SASH1: variants seen among roughly 807,000 people sequenced by gnomAD.
SASH1 encodes the protein SAM and SH3 domain-containing protein 1.
Under a neutral mutation model 125.2 loss-of-function variants are expected in SASH1, and 44 were observed. The ratio of observed to expected loss-of-function variants is 0.35; its 90% CI spans 0.28 to 0.45. The LOEUF (loss-of-function observed/expected upper bound fraction) is 0.45. Among genes scored for constraint, SASH1 ranks in the 20% least tolerant of loss-of-function variants. The pLI is 1.00. For synonymous variants in SASH1, 639 were observed against 649.1 expected (o/e 0.98, Z 0.24); for missense variants, 1,426 against 1,614.5 (o/e 0.88, Z 2.00).
At chr6:148,487,808 C>A in intron 8 of SASH1, 93 bp downstream of exon 8, 1 of 844,646 alleles carries the variant, frequency 1.2e-6, no homozygotes, top group Non-Finnish European at 1.9e-6. Context: ...TCGAAACTTC[C>A]GACTCGCACC....
intron 1 of SASH1, among the ~76,000 whole-genome samples, chr6:148,374,707 G>GT (rs11393038): frequency 0.35 from 52,721 of 150,906 alleles, 9,369 homozygotes; most frequent in Admixed American, 0.39. Context: ...TTTTTTTTGG[G>GT]GGGGGGGGAG....
intron 1 of SASH1, among the ~76,000 whole-genome samples, chr6:148,351,098 T>G (rs1468807501): frequency 6.6e-6 from 1 of 151,830 alleles, no homozygotes; most frequent in Non-Finnish European, 1.5e-5. Context: ...GACATCTCCA[T>G]CCTGGAGACT....
At chr6:148,445,558 A>T (rs1232573354) in intron 4 of SASH1, among the ~76,000 whole-genome samples, 1 of 152,248 alleles carries the variant, frequency 6.6e-6, no homozygotes, top group Non-Finnish European at 1.5e-5. Flanking sequence ...TCTGAGTTCC[A>T]TGAATGGGTC....
chr6:148,455,437 G>A (rs944190611), intron 4 of SASH1, among the ~76,000 whole-genome samples: 9 of 152,096 alleles, frequency 5.9e-5, no homozygotes, highest in South Asian at 2.1e-4. Flanking sequence ...AAAGCTTCCC[G>A]GTGTCTGAAT....
intron 1 of SASH1, among the ~76,000 whole-genome samples, chr6:148,290,592 T>C (rs1779603773): frequency 6.6e-6 from 1 of 151,512 alleles, no homozygotes; most frequent in South Asian, 2.1e-4. Flanking sequence ...GGTGACAGAG[T>C]GAGATTCCGT....
chr6:148,367,680 C>T (rs1782527193), intron 1 of SASH1, among the ~76,000 whole-genome samples: 1 of 152,246 alleles, frequency 6.6e-6, no homozygotes, highest in African/African-American at 2.4e-5. Context: ...CTGTGAGTTA[C>T]AAGTCCAGGT....
chr6:148,487,084 C>CAT (rs1232866026), intron 7 of SASH1, among the ~76,000 whole-genome samples: 4 of 110,472 alleles, frequency 3.6e-5, no homozygotes, highest in South Asian at 2.9e-4. Flanking sequence ...ATATATAACA[C>CAT]ATATATATAC....
In SASH1 at chr6:148,411,266, C is replaced by T. The variant is rs1443546889; in HGVS notation, c.285+21004C>T. On this transcript the variant is annotated intron_variant, in intron 2 of 19. Transcript: ENST00000367467. The stretch of plus-strand genomic sequence containing the variant: ...ATTAGTTCTAGTTACATATATAATT[C>T]TGTGATTCAATCAGTCACTAAATAT... Among the ~76,000 whole-genome samples, 3 of 141,206 alleles carry T rather than the reference C, an allele frequency of 2.1e-5. No homozygotes were observed. The Admixed American group carries it at 2.2e-4, about 10-fold the overall frequency. 92.6% of individuals were successfully genotyped at this position (141,206 alleles called of 152,430 possible).
chr6:148,352,262 C>T (rs192042988), intron 1 of SASH1, among the ~76,000 whole-genome samples: 15 of 152,286 alleles, frequency 9.8e-5, no homozygotes, highest in Admixed American at 8.5e-4. Flanking sequence ...ATGAGGTTAA[C>T]AGTCACCAAC....
the SASH1 span, among the ~76,000 whole-genome samples, chr6:148,258,411 T>C: frequency 6.6e-6 from 1 of 152,144 alleles, no homozygotes; most frequent in East Asian, 1.9e-4. Flanking sequence ...TCCTTTGTAG[T>C]CCTTACAATA....
chr6:148,426,986 T>C (rs992998184), intron 2 of SASH1, among the ~76,000 whole-genome samples: 1 of 151,982 alleles, frequency 6.6e-6, no homozygotes, highest in African/African-American at 2.4e-5. Flanking sequence ...ATACAATATA[T>C]ATATACATGC....
At chr6:148,458,563 T>C (rs923328447) in intron 4 of SASH1, among the ~76,000 whole-genome samples, 1 of 152,208 alleles carries the variant, frequency 6.6e-6, no homozygotes, top group Non-Finnish European at 1.5e-5. Flanking sequence ...AGTTTACTCA[T>C]CCAGTGGCAT....
intron 10 of SASH1, chr6:148,520,096 G>A (rs111298366): frequency 0.012 from 6,761 of 564,182 alleles, 64 homozygotes; most frequent in Non-Finnish European, 0.017. Context: ...CAGCTGCTCC[G>A]GCAGAAAGGC....
chr6:148,207,025 G>A, the SASH1 span, among the ~76,000 whole-genome samples: 3 of 152,008 alleles, frequency 2.0e-5, no homozygotes, highest in East Asian at 1.9e-4. Flanking sequence ...ACTGACACCC[G>A]GCCCCTCTCC....
chr6:148,449,078 C>CTTTTTTTTTTTTTTTTTTTTTTTT lies in SASH1; in HGVS notation c.386+8686_386+8687insTTTTTTTTTTTTTTTTTTTTTTTT. On this transcript the variant is annotated intron_variant, in intron 4 of 19. Coordinates refer to ENST00000367467, the MANE Select transcript of SASH1 (RefSeq NM_015278.5). The stretch of plus-strand genomic sequence containing the variant: ...GAGACTGGCTAATTTCATTTCATTT[C>CTTTTTTTTTTTTTTTTTTTTTTTT]TTTTTTTTTTTTTTTGGAGACAGAG... Among the ~76,000 whole-genome samples the CTTTTTTTTTTTTTTTTTTTTTTTT allele has an allele frequency of 9.8e-4, 87 of 88,676 alleles. 2 individuals carry two copies. The highest frequency in any genetic ancestry group is 1.3e-3 in the Non-Finnish European group (57 of 43,408). 58.2% of individuals were successfully genotyped at this position (88,676 alleles called of 152,430 possible).
intron 1 of SASH1, among the ~76,000 whole-genome samples, chr6:148,305,760 G>A (rs527639084): frequency 6.6e-6 from 1 of 152,290 alleles, no homozygotes; most frequent in Admixed American, 6.5e-5. Context: ...TAACAGAGCT[G>A]TGGGCAGGAT....
At position 148,532,768 on chromosome 6, in the gene SASH1, C is replaced by T; in HGVS notation, c.1565-29C>T. ...TTGCTGGGTGGGAAATCTGGATCTA[C>T]CCGTGTTCTTCCTATGTTTCCTGTA... On this transcript the variant is annotated intron_variant, in intron 13 of 19. Coordinates refer to ENST00000367467, the MANE Select transcript of SASH1 (RefSeq NM_015278.5). This position sits in a 1 kb window ranked among gnomAD's most constrained non-coding sequence, Gnocchi z 4.7. 6.2e-7 allele frequency: 1 copy of T among 1,612,252 alleles called. No individual in the cohort carries two copies. The highest frequency in any genetic ancestry group is 8.5e-7 in the Non-Finnish European group (1 of 1,178,882).
rs371279364 is a variant in SASH1, at chr6:148,516,714, G to A, written c.862+2258G>A. On this transcript the variant is annotated intron_variant, in intron 9 of 19. Transcript: ENST00000367467. Reference sequence around the variant, plus strand: ...TAAGCACTTACACCATCCTCATTTCGAAAATGAGGAACCTGAGACTCAAAG... The same window carrying A: ...TAAGCACTTACACCATCCTCATTTCAAAAATGAGGAACCTGAGACTCAAAG... Among the ~76,000 whole-genome samples, 13 of 151,110 alleles carry A rather than the reference G, an allele frequency of 8.6e-5. 1 individual carries two copies. The highest frequency in any genetic ancestry group is 3.4e-3 in the Middle Eastern group (1 of 294).
chr6:148,276,195 G>T (rs574592759), intron 1 of SASH1, among the ~76,000 whole-genome samples: 2 of 152,308 alleles, frequency 1.3e-5, no homozygotes, highest in African/African-American at 2.4e-5. Flanking sequence ...AGTAATACCT[G>T]CCTGTAAGGA....
Sources: gnomAD v4.1 joint callset for allele counts (sites outside exome capture counted in the v4.1 genomes callset) on GRCh38, gnomAD v4.1.1 for gene constraint, Gnocchi (gnomAD v3.1) non-coding constraint, MANE v1.5 for transcripts, NCBI Gene and HGNC (gene_info 2026-07-23, HGNC 2026-07-21) for gene names.